Variants in SHKBP1 observed in about 807,000 individuals in gnomAD.
SHKBP1 encodes the protein SH3KBP1-binding protein 1.
In SHKBP1, 71 loss-of-function variants were observed where a neutral mutation model predicts 83.9. The ratio of observed to expected loss-of-function variants is 0.85; its 90% CI spans 0.70 to 1.03. The LOEUF (loss-of-function observed/expected upper bound fraction) is 1.03, where lower values mean the gene tolerates loss of function less well. Ranked by LOEUF, SHKBP1 falls within the 50% of genes least tolerant of loss-of-function variation. SHKBP1 has a pLI of 0.00. For synonymous variants in SHKBP1, 371 were observed against 398.0 expected, an observed-to-expected ratio of 0.93 and a Z score of 0.81; for missense variants, 824 against 982.4, an observed-to-expected ratio of 0.84 and a Z score of 2.16.
chr19:40,577,714 G>A, intron 4 of SHKBP1, 84 bp downstream of exon 4: 1 of 1,462,366 alleles, frequency 6.8e-7, no homozygotes, highest in Non-Finnish European at 9.6e-7. Flanking sequence ...GTCCACGTGA[G>A]CTCCATTCTA....
chr19:40,589,579 T>C (rs1599848692), intron 15 of SHKBP1, among the ~76,000 whole-genome samples: 1 of 135,030 alleles, frequency 7.4e-6, no homozygotes, highest in Admixed American at 7.3e-5. Context: ...GGGGTCGGGA[T>C]GGGATGGAGG....
At chr19:40,587,663 G>A (rs762098012) in intron 13 of SHKBP1, among the ~76,000 whole-genome samples, 2 of 152,202 alleles carry the variant, frequency 1.3e-5, no homozygotes, top group African/African-American at 2.4e-5. Context: ...CACTTTGGGA[G>A]GCCAAGGTGG....
intron 9 of SHKBP1, 139 bp downstream of exon 9, chr19:40,581,075 C>A: frequency 1.2e-6 from 1 of 826,488 alleles, no homozygotes; most frequent in Non-Finnish European, 1.7e-6. Flanking sequence ...AATGCTCCAG[C>A]CCTTCAGAAT....
intron 13 of SHKBP1, among the ~76,000 whole-genome samples, chr19:40,588,261 G>A (rs149399031): frequency 7.2e-5 from 11 of 152,306 alleles, no homozygotes; most frequent in South Asian, 2.1e-4. Flanking sequence ...GGAGGGACAT[G>A]ACTAGCTTCA....
At position 40,590,234 on chromosome 19, in the gene SHKBP1, C is replaced by T. The variant is rs377220766; in HGVS notation, c.1590-10C>T. 3 of 1,558,786 alleles carry T rather than the reference C, an allele frequency of 1.9e-6. No individual in the cohort carries two copies. The South Asian group carries it at 3.5e-5, about 18-fold the overall frequency. ...GCGAGGGTGACCACCTCCCCCACTGCACCCCCCAGGGTGTGCTCCGTGCGC... is the reference window on the plus strand; with the variant it reads ...GCGAGGGTGACCACCTCCCCCACTGTACCCCCCAGGGTGTGCTCCGTGCGC... On this transcript the variant is annotated splice_polypyrimidine_tract_variant and intron_variant, in intron 15 of 17. Transcript: ENST00000291842. The surrounding 1 kb of genome is among the most constrained non-coding windows in gnomAD (Gnocchi z 4.6).
intron 12 of SHKBP1, among the ~76,000 whole-genome samples, chr19:40,586,534 T>G (rs1205109500): frequency 6.6e-6 from 1 of 152,132 alleles, no homozygotes; most frequent in Non-Finnish European, 1.5e-5. Context: ...CACCAGCTAA[T>G]TTTTGTATTT....
intron 10 of SHKBP1, among the ~76,000 whole-genome samples, chr19:40,583,051 G>A (rs1262115328): frequency 6.6e-6 from 1 of 152,108 alleles, no homozygotes; most frequent in South Asian, 2.1e-4. Context: ...ACTCCCGCCC[G>A]TAATCCCAGC....
intron 7 of SHKBP1, 25 bp downstream of exon 7, chr19:40,580,510 T>G: frequency 6.2e-7 from 1 of 1,613,844 alleles, no homozygotes; most frequent in South Asian, 1.1e-5. Flanking sequence ...CGTGGAAGGT[T>G]GGGGCAGCTG....
At chr19:40,584,583 A>T (rs1273737209) in intron 12 of SHKBP1, among the ~76,000 whole-genome samples, 2 of 152,176 alleles carry the variant, frequency 1.3e-5, no homozygotes, top group African/African-American at 4.8e-5. Context: ...CAGTAACTCC[A>T]CATTTCTCAC....
chr19:40,581,105 C>T (rs1419952236), intron 9 of SHKBP1, among the ~76,000 whole-genome samples, 169 bp downstream of exon 9: 1 of 152,182 alleles, frequency 6.6e-6, no homozygotes, highest in East Asian at 1.9e-4. Flanking sequence ...TGTTAGAATT[C>T]CCTGGCTTCC....
Position 40,578,175 on chromosome 19 carries a change from C to T in SHKBP1, c.282C>T (p.Leu94=), listed in dbSNP as rs2081236853. ...LDPRGVHGSS[L]LHEAQFYGLT... ...CCAGGGGTGTCCACGGTTCCAGCCT[C>T]CTCCATGAAGCCCAGTTCTATGGGC... The change falls in exon 5 of 18, where the codon CTC becomes CTT. Residue 94 remains leucine, a synonymous_variant. Coordinates refer to ENST00000291842, the MANE Select transcript of SHKBP1 (RefSeq NM_138392.4). 6.2e-7 allele frequency: 1 copy of T among 1,614,198 alleles called. No individual in the cohort carries two copies. The highest frequency in any genetic ancestry group is 8.5e-7 in the Non-Finnish European group (1 of 1,180,024).
At position 40,589,085 on chromosome 19, in the gene SHKBP1, C is replaced by T; in HGVS notation, c.1496C>T (p.Pro499Leu). 6.2e-7 allele frequency: 1 copy of T among 1,612,136 alleles called. No individual in the cohort carries two copies. The highest frequency in any genetic ancestry group is 8.5e-7 in the Non-Finnish European group (1 of 1,179,992). Residue 499 changes from proline to leucine, a missense_variant, in exon 15 of 18, where the codon CCC becomes CTC. By Grantham distance (98) the Pro-to-Leu change is moderately conservative. Around this residue, in one of 3 missense-constraint regions of SHKBP1, gnomAD observed 287 missense variants for 322.9 expected, o/e 0.89. Coordinates refer to ENST00000291842, the MANE Select transcript of SHKBP1 (RefSeq NM_138392.4). ...CCCCTGCCCCTGCCTGGCCCAGGCCCCTACGGTGAGCGGGACGACCAGCAA... is the reference window on the plus strand; with the variant it reads ...CCCCTGCCCCTGCCTGGCCCAGGCCTCTACGGTGAGCGGGACGACCAGCAA... Reference protein sequence around the residue: ...GGCSAGNDIGPYGERDDQQVF... With the variant: ...GGCSAGNDIGLYGERDDQQVF...
intron 15 of SHKBP1, 110 bp downstream of exon 15, chr19:40,589,288 C>T: frequency 9.0e-7 from 1 of 1,105,064 alleles, no homozygotes; most frequent in Non-Finnish European, 1.3e-6. Context: ...GAAAGGGGTC[C>T]CAGCCAAGGA....
intron 1 of SHKBP1, 44 bp from the exon 2 acceptor site, chr19:40,577,187 C>G: frequency 6.2e-7 from 1 of 1,608,794 alleles, no homozygotes; most frequent in Non-Finnish European, 8.5e-7. Context: ...CATTCCTCAC[C>G]CGCTCCTCTT....
intron 2 of SHKBP1, 44 bp downstream of exon 2, chr19:40,577,328 G>C (rs780420585): frequency 2.5e-6 from 4 of 1,613,780 alleles, no homozygotes; most frequent in Non-Finnish European, 3.4e-6. Context: ...GAGGGATGGA[G>C]AGGGCGTGGG....
chr19:40,588,524 G>C (rs185505320), intron 13 of SHKBP1, 100 bp from the exon 14 acceptor site: 1 of 1,452,180 alleles, frequency 6.9e-7, no homozygotes, highest in Non-Finnish European at 9.5e-7. Context: ...CTCAGCAAGG[G>C]CTGACCCTCC....
chr19:40,586,514 G>A (rs1372049654), intron 12 of SHKBP1, among the ~76,000 whole-genome samples: 1 of 151,862 alleles, frequency 6.6e-6, no homozygotes, highest in South Asian at 2.1e-4. Flanking sequence ...TTACAGGTGC[G>A]TACTACCACC....
intron 12 of SHKBP1, among the ~76,000 whole-genome samples, chr19:40,584,312 T>A (rs1410736674): frequency 1.3e-5 from 2 of 152,252 alleles, no homozygotes; most frequent in Non-Finnish European, 2.9e-5. Flanking sequence ...GATGTTCACA[T>A]GTTCATAAAA....
Position 40,577,233 on chromosome 19 carries a change from T to G in SHKBP1, c.89T>G (p.Phe30Cys). ...VIHLNVGGKR[F>C]STSRQTLTWI... ...GTCCGTTTACCTTCCCCGCCCAGAT[T>G]CAGTACCTCTCGCCAGACTCTCACC... Residue 30 changes from phenylalanine (F) to cysteine (C), a missense_variant and splice_region_variant, in exon 2 of 18, where the codon TTC becomes TGC. Physicochemically the swap from Phe to Cys is radical, Grantham distance 205 (BLOSUM62 -2). Transcript: ENST00000291842. The G allele has an allele frequency of 6.2e-7, 1 of 1,613,540 alleles. No homozygotes were observed. Among genetic ancestry groups the G allele is most frequent in the Non-Finnish European group, 8.5e-7 (1 of 1,179,962 alleles).
Sources: gnomAD v4.1 joint callset for allele counts (sites outside exome capture counted in the v4.1 genomes callset) on GRCh38, gnomAD v4.1.1 for gene constraint, gnomAD v4.1.1 regional missense constraint, Gnocchi (gnomAD v3.1) non-coding constraint, MANE v1.5 for transcripts, NCBI Gene and HGNC (gene_info 2026-07-23, HGNC 2026-07-21) for gene names.